CCNY: variants seen among roughly 807,000 people sequenced by gnomAD.
The protein encoded by CCNY is cyclin Y, also known as cyclin-Y.
Under a neutral mutation model 42.8 loss-of-function variants are expected in CCNY, and 19 were observed. The observed-to-expected ratio is 0.44, with a 90% CI of 0.31 to 0.65. The LOEUF is 0.65. Ranked by LOEUF, CCNY falls within the 30% of genes least tolerant of loss-of-function variation. The pLI, the probability that CCNY is intolerant of heterozygous loss-of-function variation, is 0.07. For synonymous variants in CCNY, 165 were observed against 162.7 expected, an observed-to-expected ratio of 1.01 and a Z score of -0.11; for missense variants, 370 against 437.3, an observed-to-expected ratio of 0.85 and a Z score of 1.37.
At chr10:35,505,554 T>G (rs1408222044) in intron 3 of CCNY, among the ~76,000 whole-genome samples, 1 of 152,190 alleles carries the variant, frequency 6.6e-6, no homozygotes, top group African/African-American at 2.4e-5. Flanking sequence ...AAAAGAACTT[T>G]GTTCAAACCC....
At chr10:35,382,983 TG>T (rs1328897874) in intron 1 of CCNY, among the ~76,000 whole-genome samples, 1 of 152,238 alleles carries the variant, frequency 6.6e-6, no homozygotes, top group Non-Finnish European at 1.5e-5. Context: ...CAGCTGACCC[TG>T]AACACCTTGG....
intron 1 of CCNY, among the ~76,000 whole-genome samples, chr10:35,355,185 G>A (rs1836518008): frequency 6.6e-6 from 1 of 152,274 alleles, no homozygotes; most frequent in South Asian, 2.1e-4. Context: ...ATGGATAAAG[G>A]GGATGAAGTT....
intron 3 of CCNY, among the ~76,000 whole-genome samples, chr10:35,271,391 C>G (rs1165162655): frequency 1.3e-5 from 2 of 152,180 alleles, no homozygotes; most frequent in Non-Finnish European, 2.9e-5. Context: ...GTCCCACACA[C>G]TCCTTTGAAT....
At chr10:35,291,931 A>T (rs1173300388) in intron 3 of CCNY, among the ~76,000 whole-genome samples, 1 of 152,202 alleles carries the variant, frequency 6.6e-6, no homozygotes, top group Non-Finnish European at 1.5e-5. Flanking sequence ...CCCTATGTTT[A>T]ACCTTTTGAG....
At chr10:35,455,369 A>G (rs1030425662) in intron 1 of CCNY, 1 of 152,230 alleles carries the variant, frequency 6.6e-6, no homozygotes, top group African/African-American at 2.4e-5. Flanking sequence ...CAGGGAATCT[A>G]CTAGAGGGCC....
chr10:35,403,195 G>T (rs1837681582), intron 1 of CCNY, among the ~76,000 whole-genome samples: 1 of 152,138 alleles, frequency 6.6e-6, no homozygotes, highest in African/African-American at 2.4e-5. Flanking sequence ...ACAGAGAAGT[G>T]ATTTCCTTGA....
chr10:35,552,919 T>C (rs1354917086), intron 7 of CCNY, 100 bp from the exon 8 acceptor site: 10 of 1,184,840 alleles, frequency 8.4e-6, no homozygotes, highest in South Asian at 1.5e-5. Context: ...TAAATTCCCA[T>C]TTAAAGGTGG....
chr10:35,303,285 A>AT (rs954297345), intron 3 of CCNY, among the ~76,000 whole-genome samples: 3 of 151,614 alleles, frequency 2.0e-5, no homozygotes, highest in Non-Finnish European at 4.4e-5. Flanking sequence ...GGTTCAAGCA[A>AT]TTCTCCTGCC....
At chr10:35,419,533 C>CTTTTTTT (rs34429228) in intron 1 of CCNY, among the ~76,000 whole-genome samples, 10 of 129,688 alleles carry the variant, frequency 7.7e-5, no homozygotes, top group East Asian at 4.3e-4. Flanking sequence ...TAGACCGTTC[C>CTTTTTTT]TTTTTTTTTT....
intron 1 of CCNY, among the ~76,000 whole-genome samples, chr10:35,406,383 G>T (rs933990938): frequency 6.6e-6 from 1 of 151,906 alleles, no homozygotes; most frequent in Admixed American, 6.6e-5. Context: ...GTGGCCTTCC[G>T]CAGTGTTTGT....
chr10:35,466,765 T>G (rs1839278773), intron 1 of CCNY, among the ~76,000 whole-genome samples: 1 of 151,972 alleles, frequency 6.6e-6, no homozygotes, highest in African/African-American at 2.4e-5. Flanking sequence ...AATTTTAAGG[T>G]TTGGTTTTGT....
intron 3 of CCNY, chr10:35,289,362 C>G (rs933980377): frequency 1.3e-5 from 2 of 152,104 alleles, no homozygotes; most frequent in African/African-American, 4.8e-5. Context: ...AACCAGTAAG[C>G]CTTTCTTTTT....
intron 8 of CCNY, among the ~76,000 whole-genome samples, chr10:35,555,988 T>C (rs1841355562): frequency 2.0e-5 from 3 of 152,236 alleles, no homozygotes; most frequent in Admixed American, 2.0e-4. Flanking sequence ...ACCAGCACTA[T>C]GGTTAGTAGA....
chr10:35,347,579 G>T (rs1169489870), intron 1 of CCNY: 1 of 209,942 alleles, frequency 4.8e-6, no homozygotes, highest in Admixed American at 6.5e-5. Flanking sequence ...TAAGGAAAAA[G>T]AGCAGTTATT....
intron 3 of CCNY, among the ~76,000 whole-genome samples, chr10:35,321,624 C>T (rs1184443302): frequency 6.6e-6 from 1 of 151,660 alleles, no homozygotes. Context: ...GATGCAATGA[C>T]CTGTGATCAT....
At chr10:35,567,860 C>T (rs1460074988) in intron 9 of CCNY, among the ~76,000 whole-genome samples, 1 of 152,168 alleles carries the variant, frequency 6.6e-6, no homozygotes, top group Admixed American at 6.5e-5. Context: ...AATGGAAAGC[C>T]CACCCAGTCT....
intron 8 of CCNY, among the ~76,000 whole-genome samples, chr10:35,560,862 C>A (rs1021214500): frequency 1.3e-5 from 2 of 152,166 alleles, no homozygotes; most frequent in African/African-American, 4.8e-5. Context: ...GGACATCACT[C>A]AGCTGAATGG....
At chr10:35,289,537 T>C (rs1486417333) in intron 3 of CCNY, 2 of 152,194 alleles carry the variant, frequency 1.3e-5, no homozygotes, top group Non-Finnish European at 2.9e-5. Flanking sequence ...TTTTATCAGG[T>C]CTCAAAAGTT....
chr10:35,329,270 G>A (rs1357403418), intron 3 of CCNY, among the ~76,000 whole-genome samples: 4 of 152,086 alleles, frequency 2.6e-5, no homozygotes, highest in South Asian at 4.1e-4. Context: ...GTTCATCCCC[G>A]GCCGGGTGCA....
Sources: gnomAD v4.1 joint callset for allele counts (sites outside exome capture counted in the v4.1 genomes callset) on GRCh38, gnomAD v4.1.1 for gene constraint, MANE v1.5 for transcripts, NCBI Gene and HGNC (gene_info 2026-07-23, HGNC 2026-07-21) for gene names.